The following LEUTX variants were observed in gnomAD, a reference collection of about 807,000 sequenced individuals.
The protein encoded by LEUTX is leucine twenty homeobox, also known as paired-like homeodomain transcription factor LEUTX.
LEUTX carries 5 observed loss-of-function variants against 4.5 expected under a neutral mutation model. That is an observed-to-expected ratio of 1.11 (90% CI 0.58 to 2.34). The LOEUF (loss-of-function observed/expected upper bound fraction) is 2.34, where lower values mean the gene tolerates loss of function less well. Ranked by LOEUF, LEUTX falls within the 30% of genes most tolerant of loss-of-function variation. The pLI is 0.01. For synonymous variants in LEUTX, 89 were observed against 85.1 expected, an observed-to-expected ratio of 1.05 and a Z score of -0.25; for missense variants, 233 against 239.4, an observed-to-expected ratio of 0.97 and a Z score of 0.18.
At chr19:39,785,063 C>G (rs1967944944) in intron 2 of LEUTX, among the ~76,000 whole-genome samples, 1 of 152,140 alleles carries the variant, frequency 6.6e-6, no homozygotes, top group African/African-American at 2.4e-5. Context: ...TAAGTTCCCA[C>G]AAAGTATTCA....
chr19:39,783,851 ATTTG>A (rs1319061114), intron 1 of LEUTX, among the ~76,000 whole-genome samples: 1 of 151,860 alleles, frequency 6.6e-6, no homozygotes, highest in East Asian at 1.9e-4. Flanking sequence ...TTTCTTGCTA[ATTTG>A]TTTGAGTTCG....
intron 1 of LEUTX, among the ~76,000 whole-genome samples, chr19:39,782,579 C>G (rs1325859243): frequency 6.6e-6 from 1 of 152,060 alleles, no homozygotes; most frequent in Non-Finnish European, 1.5e-5. Flanking sequence ...GAAAGATGTC[C>G]CCAAGTTGCT....
upstream of LEUTX, among the ~76,000 whole-genome samples, chr19:39,777,009 G>C (rs914377642): frequency 4.6e-5 from 7 of 152,138 alleles, no homozygotes; most frequent in African/African-American, 1.7e-4. Flanking sequence ...GGCCTTTCCA[G>C]TTTGAGCTTT....
chr19:39,785,187 C>T (rs1346146782), intron 2 of LEUTX, among the ~76,000 whole-genome samples: 1 of 152,168 alleles, frequency 6.6e-6, no homozygotes, highest in Non-Finnish European at 1.5e-5. Context: ...ACTTGTAATC[C>T]CAGCACTTTG....
rs1386980617 is a variant in LEUTX at position 39,786,011 on chromosome 19, C to A, written c.473C>A (p.Thr158Asn). ...GCTTCAAATCCTCCTTGGGCCTCCACTCTCTTTGAAATAGATGAATTTGTA... is the reference window on the plus strand; with the variant it reads ...GCTTCAAATCCTCCTTGGGCCTCCAATCTCTTTGAAATAGATGAATTTGTA... ...LGASNPPWAS[T>N]LFEIDEFVKI... The change falls in exon 3 of 3, where the codon ACT becomes AAT. Residue 158 changes from threonine (T) to asparagine (N), a missense_variant. Coordinates refer to ENST00000638280, the MANE Select transcript of LEUTX (RefSeq NM_001382345.1). 6.4e-7 allele frequency: 1 copy of A among 1,551,718 alleles called. No homozygotes were observed.
In LEUTX at chr19:39,784,535, A is replaced by C; in HGVS notation, c.16A>C (p.Arg6=). 1 of 1,047,034 alleles carries C rather than the reference A, an allele frequency of 9.6e-7. No homozygotes were observed. The highest frequency in any genetic ancestry group is 1.5e-6 in the Non-Finnish European group (1 of 686,176). 64.9% of individuals were successfully genotyped at this position (1,047,034 alleles called of 1,614,324 possible). The change falls in exon 2 of 3, where the codon AGG becomes CGG. Residue 6 remains arginine, a synonymous_variant. Transcript: ENST00000638280. MFEGP[R]RYRRPRTRFL... is the part of the protein sequence containing the mutation. ...ATCTGTTCCCTCTGCAGAAGGGCCA[A>C]GGCGTTATCGTCGGCCACGCACAAG...
chr19:39,776,884 G>GA (rs958658830), upstream of LEUTX, among the ~76,000 whole-genome samples: 1 of 151,966 alleles, frequency 6.6e-6, no homozygotes, highest in Non-Finnish European at 1.5e-5. Context: ...AAAAAAGAAA[G>GA]AAAAAAGGGA....
chr19:39,779,915 G>A (rs918029559), intron 1 of LEUTX, among the ~76,000 whole-genome samples: 1 of 152,200 alleles, frequency 6.6e-6, no homozygotes, highest in African/African-American at 2.4e-5. Context: ...TTGGGAGGCT[G>A]AGACACAAGA....
chr19:39,783,027 C>T (rs1967910020), intron 1 of LEUTX, among the ~76,000 whole-genome samples: 1 of 151,606 alleles, frequency 6.6e-6, no homozygotes, highest in South Asian at 2.1e-4. Context: ...TATCCCTCAC[C>T]CCCTTCCCAC....
At chr19:39,781,178 T>C (rs926127520) in intron 1 of LEUTX, among the ~76,000 whole-genome samples, 7 of 152,196 alleles carry the variant, frequency 4.6e-5, no homozygotes, top group African/African-American at 1.7e-4. Context: ...TAAATTTTTG[T>C]TCTCCCTTTG....
At chr19:39,783,026 C>T (rs1300343747) in intron 1 of LEUTX, among the ~76,000 whole-genome samples, 1 of 151,702 alleles carries the variant, frequency 6.6e-6, no homozygotes, top group East Asian at 1.9e-4. Context: ...TTATCCCTCA[C>T]CCCCTTCCCA....
chr19:39,779,971 A>G (rs1307277012), intron 1 of LEUTX, among the ~76,000 whole-genome samples: 2 of 152,206 alleles, frequency 1.3e-5, no homozygotes, highest in African/African-American at 2.4e-5. Context: ...CTGAGATTGC[A>G]CCGCTGTACT....
intron 1 of LEUTX, among the ~76,000 whole-genome samples, chr19:39,783,147 T>C (rs967590810): frequency 6.6e-6 from 1 of 151,654 alleles, no homozygotes; most frequent in African/African-American, 2.4e-5. Flanking sequence ...TTTCCATTCC[T>C]GAGTTACTTC....
intron 1 of LEUTX, among the ~76,000 whole-genome samples, chr19:39,780,007 C>G (rs1418875839): frequency 6.6e-6 from 1 of 152,168 alleles, no homozygotes; most frequent in African/African-American, 2.4e-5. Context: ...GAGCAAGACT[C>G]TGTCTCAAAA....
chr19:39,780,586 T>C (rs1201594481), intron 1 of LEUTX, among the ~76,000 whole-genome samples: 1 of 152,192 alleles, frequency 6.6e-6, no homozygotes, highest in Non-Finnish European at 1.5e-5. Flanking sequence ...TAAATATTGC[T>C]AGTGCTGGAC....
At position 39,784,531 on chromosome 19, in the gene LEUTX, G is replaced by A. The variant is rs764076145; in HGVS notation, c.12G>A (p.Gly4=). The change falls in exon 2 of 3, where the codon GGG becomes GGA. Residue 4 remains glycine (G), a synonymous_variant. Coordinates refer to ENST00000638280, the MANE Select transcript of LEUTX (RefSeq NM_001382345.1). ...TTTTATCTGTTCCCTCTGCAGAAGG[G>A]CCAAGGCGTTATCGTCGGCCACGCA... MFE[G]PRRYRRPRTR... The A allele has an allele frequency of 8.9e-6, 9 of 1,011,260 alleles. No homozygotes were observed. Among genetic ancestry groups the A allele is most frequent in the Non-Finnish European group, 1.4e-5 (9 of 654,040 alleles). 62.6% of individuals were successfully genotyped at this position (1,011,260 alleles called of 1,614,324 possible). A position where few individuals can be genotyped will look rare whatever the true frequency, so the allele number is the denominator to read the frequency against.
intron 2 of LEUTX, among the ~76,000 whole-genome samples, chr19:39,784,979 T>G (rs1349568924): frequency 6.6e-6 from 1 of 152,132 alleles, no homozygotes; most frequent in Non-Finnish European, 1.5e-5. Context: ...ATACTCCCAT[T>G]TGGGTCTGTT....
chr19:39,779,839 C>A (rs1412660198), intron 1 of LEUTX, among the ~76,000 whole-genome samples: 2 of 152,124 alleles, frequency 1.3e-5, no homozygotes, highest in East Asian at 1.9e-4. Context: ...CATGGCAAAA[C>A]CCTGTCACTA....
At chr19:39,784,710 G>A (rs776559644) in intron 2 of LEUTX, 32 bp downstream of exon 2, 133 of 1,472,008 alleles carry the variant, frequency 9.0e-5, no homozygotes, top group Admixed American at 1.2e-4. Flanking sequence ...TAGGTAGCAC[G>A]CCTAACCCAG....
Sources: gnomAD v4.1 joint callset for allele counts (sites outside exome capture counted in the v4.1 genomes callset) on GRCh38, gnomAD v4.1.1 for gene constraint, MANE v1.5 for transcripts, NCBI Gene and HGNC (gene_info 2026-07-23, HGNC 2026-07-21) for gene names.